Variants in KATNBL1 observed in about 807,000 individuals in gnomAD.
The protein encoded by KATNBL1 is KATNB1-like protein 1.
A neutral mutation model predicts 44.7 loss-of-function variants in KATNBL1; 28 were observed. The ratio of observed to expected loss-of-function variants is 0.63; its 90% confidence interval spans 0.46 to 0.86. The LOEUF is 0.86. KATNBL1 is among the 40% of genes least tolerant of loss of function. The pLI is 0.00. For synonymous variants in KATNBL1, 78 were observed against 114.9 expected, an observed-to-expected ratio of 0.68 and a Z score of 2.06; for missense variants, 272 against 350.7, an observed-to-expected ratio of 0.78 and a Z score of 1.79.
At chr15:34,172,090 A>G (rs924848553) in intron 1 of KATNBL1, among the ~76,000 whole-genome samples, 2 of 152,022 alleles carry the variant, frequency 1.3e-5, no homozygotes, top group African/African-American at 2.4e-5. Context: ...AAAAATAAAT[A>G]AAGAAATAAA....
intron 1 of KATNBL1, among the ~76,000 whole-genome samples, chr15:34,178,496 A>G (rs564456620): frequency 7.2e-5 from 11 of 152,242 alleles, no homozygotes; most frequent in South Asian, 6.2e-4. Flanking sequence ...GGTGGCTCTC[A>G]CCTGTAATCT....
chr15:34,210,005 G>T lies in KATNBL1; in HGVS notation c.-69C>A, dbSNP rs993488329. ...CCCAGCCTCGGCGCTGACGACCAGC[G>T]CCCGGCAGCCTAGAGAGTCCCTCGG... On this transcript the variant is annotated 5_prime_UTR_variant, in exon 1 of 10. Transcript: ENST00000256544. The T allele has an allele frequency of 1.9e-4, 29 of 151,940 alleles. No individual in the cohort carries two copies. The highest frequency in any genetic ancestry group is 5.8e-4 in the African/African-American group (24 of 41,532). 9.4% of individuals were successfully genotyped at this position (151,940 alleles called of 1,614,324 possible).
At chr15:34,183,197 T>G (rs1364235527) in intron 1 of KATNBL1, among the ~76,000 whole-genome samples, 1 of 152,188 alleles carries the variant, frequency 6.6e-6, no homozygotes, top group Admixed American at 6.5e-5. Flanking sequence ...ACCGGTTTTG[T>G]TTGCTCCTCT....
At chr15:34,202,754 G>A (rs1890202575) in intron 1 of KATNBL1, among the ~76,000 whole-genome samples, 1 of 152,140 alleles carries the variant, frequency 6.6e-6, no homozygotes, top group Non-Finnish European at 1.5e-5. Context: ...ACTTTGGGAG[G>A]CCTAGGTGGG....
chr15:34,164,535 C>T (rs1055200955), intron 1 of KATNBL1, among the ~76,000 whole-genome samples: 1 of 147,012 alleles, frequency 6.8e-6, no homozygotes, highest in South Asian at 2.2e-4. Flanking sequence ...AAAAAAAAAT[C>T]AATGCCCTCC....
chr15:34,196,501 G>A (rs1195104404), intron 1 of KATNBL1, among the ~76,000 whole-genome samples: 2 of 151,814 alleles, frequency 1.3e-5, no homozygotes, highest in Non-Finnish European at 2.9e-5. Context: ...GCCAAGGTGG[G>A]TGGATCACTT....
intron 8 of KATNBL1, chr15:34,145,891 T>C (rs1269847864): frequency 6.6e-6 from 1 of 151,618 alleles, no homozygotes; most frequent in Non-Finnish European, 1.5e-5. Context: ...TTGGAACATT[T>C]GGACATTCCT....
chr15:34,173,768 G>A (rs55801303), intron 1 of KATNBL1, among the ~76,000 whole-genome samples: 1 of 152,104 alleles, frequency 6.6e-6, no homozygotes, highest in African/African-American at 2.4e-5. Flanking sequence ...GGAGACAACT[G>A]GGGAATAGTT....
Position 34,146,852 on chromosome 15 carries a change from T to A in KATNBL1, c.699-2A>T. On this transcript the variant is annotated splice_acceptor_variant, in intron 7 of 9. Transcript: ENST00000256544. LOFTEE classifies it high-confidence loss of function. ...CAGTTTAAACCAACTATAACATATCTGAAATGACATTTTGTTACAAAATTC... is the reference window on the plus strand; with the variant it reads ...CAGTTTAAACCAACTATAACATATCAGAAATGACATTTTGTTACAAAATTC... 7 of 1,568,894 alleles carry A rather than the reference T, an allele frequency of 4.5e-6. No individual in the cohort carries two copies. Among genetic ancestry groups the A allele is most frequent in the Non-Finnish European group, 6.1e-6 (7 of 1,140,346 alleles).
chr15:34,167,405 G>C (rs1889012798), intron 1 of KATNBL1, among the ~76,000 whole-genome samples: 1 of 152,164 alleles, frequency 6.6e-6, no homozygotes, highest in Non-Finnish European at 1.5e-5. Flanking sequence ...AGAAAAAAGA[G>C]TGAAAAGAAA....
Position 34,192,229 on chromosome 15 carries a change from CCT to C in KATNBL1, c.-15+17720_-15+17721del, listed in dbSNP as rs1485908587. Among the ~76,000 whole-genome samples, 11 of 151,794 alleles carry C rather than the reference CCT, an allele frequency of 7.2e-5. 1 individual carries two copies. The highest frequency in any genetic ancestry group is 7.2e-4 in the Admixed American group (11 of 15,216). The stretch of plus-strand genomic sequence containing the variant: ...ACCATCCCAGCTAACACGGTGAAAC[CCT>C]GTCTCTACTAAAAGTACAAAAAATG... On this transcript the variant is annotated intron_variant, in intron 1 of 9. Coordinates refer to ENST00000256544, the MANE Select transcript of KATNBL1 (RefSeq NM_024713.3).
intron 1 of KATNBL1, among the ~76,000 whole-genome samples, chr15:34,195,692 A>AAAAAAAAAAAAAAAAAAAAAAAAC: frequency 7.7e-6 from 1 of 129,718 alleles, no homozygotes; most frequent in African/African-American, 2.7e-5. Flanking sequence ...CGCCATCTCA[A>AAAAAAAAAAAAAAAAAAAAAAAAC]AAAAAAAAAA....
rs191008677 is a variant in KATNBL1 at position 34,201,790 on chromosome 15, C to T, written c.-15+8161G>A. On this transcript the variant is annotated intron_variant, in intron 1 of 9. Transcript: ENST00000256544. ...ATATATACAACTGGCCCTCTGTATC[C>T]GTGGGTTCAGCATCTGTGGATTCAA... Among the ~76,000 whole-genome samples the T allele has an allele frequency of 3.9e-3, 596 of 152,092 alleles. 6 individuals carry two copies. The highest frequency in any genetic ancestry group is 0.014 in the African/African-American group (575 of 41,486).
chr15:34,201,802 A>G (rs1380687345), intron 1 of KATNBL1, among the ~76,000 whole-genome samples: 1 of 152,212 alleles, frequency 6.6e-6, no homozygotes, highest in African/African-American at 2.4e-5. Flanking sequence ...TGGGTTCAGC[A>G]TCTGTGGATT....
chr15:34,145,145 A>T (rs1184255275), intron 9 of KATNBL1: 60 of 1,216,872 alleles, frequency 4.9e-5, no homozygotes, highest in Non-Finnish European at 6.2e-5. Context: ...TCTGATTAAA[A>T]CCCTCTGTAA....
intron 1 of KATNBL1, chr15:34,166,184 A>C (rs1352813740): frequency 2.0e-5 from 3 of 152,288 alleles, no homozygotes; most frequent in Non-Finnish European, 4.4e-5. Context: ...TTTCCTAGCC[A>C]AGGGAATACA....
At chr15:34,186,814 C>A (rs1055464014) in intron 1 of KATNBL1, among the ~76,000 whole-genome samples, 1 of 152,226 alleles carries the variant, frequency 6.6e-6, no homozygotes, top group Admixed American at 6.5e-5. Flanking sequence ...AGACAAGAGT[C>A]CTGGATGGAA....
intron 1 of KATNBL1, among the ~76,000 whole-genome samples, chr15:34,182,208 G>T (rs1889588674): frequency 6.6e-6 from 1 of 152,024 alleles, no homozygotes; most frequent in Admixed American, 6.6e-5. Flanking sequence ...TGTATAAACA[G>T]ATGATACAGT....
At chr15:34,184,692 CCT>C (rs1889671717) in intron 1 of KATNBL1, among the ~76,000 whole-genome samples, 1 of 150,462 alleles carries the variant, frequency 6.6e-6, no homozygotes, top group Non-Finnish European at 1.5e-5. Flanking sequence ...CCTGCCTCAG[CCT>C]CCCGAGTAGC....
Sources: gnomAD v4.1 joint callset for allele counts (sites outside exome capture counted in the v4.1 genomes callset) on GRCh38, gnomAD v4.1.1 for gene constraint, MANE v1.5 for transcripts, NCBI Gene and HGNC (gene_info 2026-07-23, HGNC 2026-07-21) for gene names.